The following MAP2K1 variants were observed in gnomAD, a reference collection of about 807,000 sequenced individuals.
The protein encoded by MAP2K1 is dual specificity mitogen-activated protein kinase kinase 1.
In MAP2K1, 16 loss-of-function variants were observed where a neutral mutation model predicts 46.3. The observed-to-expected ratio is 0.35, with a 90% CI of 0.23 to 0.52. The LOEUF (loss-of-function observed/expected upper bound fraction) is 0.52, where lower values mean the gene tolerates loss of function less well. Among genes scored for constraint, MAP2K1 ranks in the 20% least tolerant of loss-of-function variants. The probability of loss-of-function intolerance (pLI) is 0.94; values close to 1 mark genes in which losing one functional copy is unlikely to be tolerated. For missense variants in MAP2K1, 263 were observed against 497.1 expected, an observed-to-expected ratio of 0.53 and a Z score of 4.48; for synonymous variants, 183 against 185.6, an observed-to-expected ratio of 0.99 and a Z score of 0.11.
chr15:66,464,427 A>T (rs1040606718), intron 5 of MAP2K1, among the ~76,000 whole-genome samples: 1 of 152,232 alleles, frequency 6.6e-6, no homozygotes. Flanking sequence ...GAAGTTGTCT[A>T]GCTTCGGTTC....
At chr15:66,470,998 G>GT (rs747061755) in intron 5 of MAP2K1, among the ~76,000 whole-genome samples, 1 of 152,190 alleles carries the variant, frequency 6.6e-6, no homozygotes, top group Non-Finnish European at 1.5e-5. Context: ...GAGGTCCCAG[G>GT]TAGGTGAGAG....
chr15:66,454,521 G>T (rs1030959362), intron 5 of MAP2K1, among the ~76,000 whole-genome samples: 2 of 152,208 alleles, frequency 1.3e-5, no homozygotes, highest in African/African-American at 2.4e-5. Flanking sequence ...AGATAAATTG[G>T]TAGAGGTTTT....
At chr15:66,445,701 A>G (rs906002427) in intron 5 of MAP2K1, among the ~76,000 whole-genome samples, 3 of 152,246 alleles carry the variant, frequency 2.0e-5, no homozygotes, top group African/African-American at 7.2e-5. Flanking sequence ...ATTTATGCTG[A>G]GTGAAAGAAG....
intron 1 of MAP2K1, among the ~76,000 whole-genome samples, chr15:66,390,337 C>T (rs147257821): frequency 6.6e-6 from 1 of 152,304 alleles, no homozygotes; most frequent in East Asian, 1.9e-4. Context: ...GGGCTACCAG[C>T]AGAAAGAATT....
intron 5 of MAP2K1, among the ~76,000 whole-genome samples, chr15:66,470,671 A>G (rs1892610684): frequency 6.6e-6 from 1 of 152,194 alleles, no homozygotes; most frequent in East Asian, 1.9e-4. Flanking sequence ...AGGCACAAAG[A>G]TAGCTCAAGC....
intron 5 of MAP2K1, among the ~76,000 whole-genome samples, chr15:66,460,550 A>C (rs1892291735): frequency 6.6e-6 from 1 of 152,146 alleles, no homozygotes; most frequent in Non-Finnish European, 1.5e-5. Context: ...AGGGGTGAGA[A>C]TTAAAGTAAG....
chr15:66,416,771 G>A (rs1332174156), intron 1 of MAP2K1, among the ~76,000 whole-genome samples: 1 of 152,180 alleles, frequency 6.6e-6, no homozygotes, highest in African/African-American at 2.4e-5. Flanking sequence ...GACTTGGAAG[G>A]TTTGGGGTGG....
intron 2 of MAP2K1, among the ~76,000 whole-genome samples, chr15:66,436,201 G>A (rs539698774): frequency 6.6e-6 from 1 of 152,304 alleles, no homozygotes. Flanking sequence ...GACACTCGCT[G>A]TCTGTGGGAT....
At chr15:66,427,051 T>C (rs2093461068) in intron 1 of MAP2K1, among the ~76,000 whole-genome samples, 1 of 152,196 alleles carries the variant, frequency 6.6e-6, no homozygotes, top group South Asian at 2.1e-4. Flanking sequence ...TCCCAGGTCT[T>C]TGAGAATGCG....
chr15:66,489,035 C>T, intron 8 of MAP2K1, 180 bp from the exon 9 acceptor site: 5 of 647,674 alleles, frequency 7.7e-6, no homozygotes, highest in Non-Finnish European at 1.1e-5. Flanking sequence ...GGTTACCCAA[C>T]AGGCAGCACT....
chr15:66,387,452 C>T (rs1250129113), intron 1 of MAP2K1, 25 bp downstream of exon 1: 5 of 1,550,342 alleles, frequency 3.2e-6, no homozygotes, highest in South Asian at 1.2e-5. Flanking sequence ...GGCGGTGAAC[C>T]TCGGGGCCCG....
chr15:66,486,065 AT>A (rs1893032394), intron 7 of MAP2K1, among the ~76,000 whole-genome samples: 1 of 151,546 alleles, frequency 6.6e-6, no homozygotes, highest in African/African-American at 2.4e-5. Flanking sequence ...TGCCTGACTA[AT>A]TTTTTTAATT....
intron 1 of MAP2K1, among the ~76,000 whole-genome samples, chr15:66,413,043 T>G (rs1473226650): frequency 6.6e-6 from 1 of 151,990 alleles, no homozygotes; most frequent in Non-Finnish European, 1.5e-5. Context: ...CTACAGGTGC[T>G]CGCCACCACG....
chr15:66,446,780 A>G (rs530672288), intron 5 of MAP2K1: 3 of 286,904 alleles, frequency 1.0e-5, no homozygotes, highest in East Asian at 8.9e-5. Flanking sequence ...AGCCTTCCAC[A>G]TATTTCCTTT....
At chr15:66,459,777 G>T (rs1892270821) in intron 5 of MAP2K1, among the ~76,000 whole-genome samples, 1 of 152,140 alleles carries the variant, frequency 6.6e-6, no homozygotes, top group Non-Finnish European at 1.5e-5. Context: ...AGACTTGTTG[G>T]CACTGATAGC....
chr15:66,406,694 C>T (rs2093397697), intron 1 of MAP2K1, among the ~76,000 whole-genome samples: 1 of 152,148 alleles, frequency 6.6e-6, no homozygotes, highest in Non-Finnish European at 1.5e-5. Flanking sequence ...AAGTACCTGT[C>T]TTCTCTGAGA....
chr15:66,419,380 C>T (rs1261059681), intron 1 of MAP2K1, among the ~76,000 whole-genome samples: 5 of 151,414 alleles, frequency 3.3e-5, no homozygotes, highest in Non-Finnish European at 5.9e-5. Context: ...ATTAGTCGGG[C>T]GTGGTGGTGC....
chr15:66,462,700 T>C (rs561993862), intron 5 of MAP2K1, among the ~76,000 whole-genome samples: 161 of 152,080 alleles, frequency 1.1e-3, no homozygotes, highest in Non-Finnish European at 1.8e-3. Flanking sequence ...AGAGGGACTC[T>C]TGTGGGTGGA....
rs748223054 is a variant in MAP2K1 at position 66,490,496 on chromosome 15, A to G, written c.1069-6A>G. 6.9e-6 allele frequency: 11 copies of G among 1,596,856 alleles called. 1 individual carries two copies. Among genetic ancestry groups the G allele is most frequent in the South Asian group, 6.6e-5 (6 of 90,752 alleles). On this transcript the variant is annotated splice_region_variant and splice_polypyrimidine_tract_variant and intron_variant, in intron 10 of 10. Transcript: ENST00000307102. ...ACACCACGTCCTCTCGTTTCCTTACATGCAGGTTCATGCTTTTATCAAGAG... is the reference window on the plus strand; with the variant it reads ...ACACCACGTCCTCTCGTTTCCTTACGTGCAGGTTCATGCTTTTATCAAGAG...
Sources: gnomAD v4.1 joint callset for allele counts (sites outside exome capture counted in the v4.1 genomes callset) on GRCh38, gnomAD v4.1.1 for gene constraint, MANE v1.5 for transcripts, NCBI Gene and HGNC (gene_info 2026-07-23, HGNC 2026-07-21) for gene names.